The following PRMT8 variants were observed in gnomAD, a reference collection of about 807,000 sequenced individuals.
PRMT8 encodes the protein protein arginine methyltransferase 8.
PRMT8 carries 7 observed loss-of-function variants against 47.1 expected under a neutral mutation model. The ratio of observed to expected loss-of-function variants is 0.15; its 90% CI spans 0.08 to 0.28. PRMT8 has a LOEUF of 0.28. Among genes scored for constraint, PRMT8 ranks in the 10% least tolerant of loss-of-function variants. The pLI, the probability that PRMT8 is intolerant of heterozygous loss-of-function variation, is 1.00. For missense variants in PRMT8, 237 were observed against 505.4 expected (o/e 0.47, Z 5.09); for synonymous variants, 188 against 186.5 (o/e 1.01, Z -0.07).
intron 1 of PRMT8, among the ~76,000 whole-genome samples, chr12:3,424,571 A>C (rs1376328035): frequency 2.0e-5 from 3 of 152,212 alleles, no homozygotes; most frequent in Middle Eastern, 3.4e-3. Context: ...CTTCTGTTCT[A>C]GCTAATACTT....
At chr12:3,567,651 G>A (rs907526180) in intron 4 of PRMT8, among the ~76,000 whole-genome samples, 2 of 152,110 alleles carry the variant, frequency 1.3e-5, no homozygotes, top group South Asian at 2.1e-4. Context: ...AGTTGACCCC[G>A]ACTACCACAG....
chr12:3,510,360 G>A (rs1028972597), intron 1 of PRMT8, among the ~76,000 whole-genome samples: 2 of 152,134 alleles, frequency 1.3e-5, no homozygotes, highest in African/African-American at 4.8e-5. Context: ...TAGGATGACT[G>A]CAGTAAACAA....
At position 3,514,068 on chromosome 12, in the gene PRMT8, T is replaced by A. The variant is rs1436359687; in HGVS notation, c.75+22368T>A. ...GCAGGGGCAGGATTTATTGTGATTG[T>A]CCTTTGGAGAGGGAAGCTCCAAGGA... On this transcript the variant is annotated intron_variant, in intron 1 of 9. Transcript: ENST00000382622. The surrounding 1 kb of genome is among the most constrained non-coding windows in gnomAD (Gnocchi z 5.9). Among the ~76,000 whole-genome samples, 1 of 152,192 alleles carries A rather than the reference T, an allele frequency of 6.6e-6. No individual in the cohort carries two copies.
chr12:3,549,272 T>A (rs551853198), intron 2 of PRMT8, among the ~76,000 whole-genome samples: 2 of 152,282 alleles, frequency 1.3e-5, no homozygotes, highest in African/African-American at 4.8e-5. Context: ...GCATGCAAAT[T>A]ATACCTTAAT....
At chr12:3,392,250 G>A (rs1466365522) in intron 1 of PRMT8, among the ~76,000 whole-genome samples, 1 of 151,592 alleles carries the variant, frequency 6.6e-6, no homozygotes, top group Non-Finnish European at 1.5e-5. Flanking sequence ...TAGGGTATAT[G>A]TGCACAATGT....
intron 1 of PRMT8, among the ~76,000 whole-genome samples, chr12:3,421,845 C>T (rs558754835): frequency 2.6e-5 from 4 of 152,336 alleles, no homozygotes; most frequent in East Asian, 1.9e-4. Flanking sequence ...CCATGAGCAA[C>T]GGGATGGAGG....
chr12:3,566,892 A>G lies in PRMT8; in HGVS notation c.482-1814A>G, dbSNP rs111428055. On this transcript the variant is annotated intron_variant, in intron 4 of 9. Transcript: ENST00000382622. The surrounding 1 kb of genome is among the most constrained non-coding windows in gnomAD (Gnocchi z 4.7). Reference sequence around the variant, plus strand: ...ATGTTCAGAAAGAACAAACCAACCAATACATCAGCCTGCCAATTTAACAGT... The same window carrying G: ...ATGTTCAGAAAGAACAAACCAACCAGTACATCAGCCTGCCAATTTAACAGT... Among the ~76,000 whole-genome samples the G allele has an allele frequency of 3.3e-4, 51 of 152,346 alleles. No individual in the cohort carries two copies. The highest frequency in any genetic ancestry group is 1.2e-3 in the African/African-American group (50 of 41,588).
intron 1 of PRMT8, among the ~76,000 whole-genome samples, chr12:3,498,303 G>A (rs934805187): frequency 4.6e-5 from 7 of 152,178 alleles, no homozygotes; most frequent in African/African-American, 1.2e-4. Context: ...TTTCTAGTCC[G>A]CTAGGCTGCG....
intron 2 of PRMT8, among the ~76,000 whole-genome samples, chr12:3,544,635 C>T (rs1301285414): frequency 6.6e-6 from 1 of 152,160 alleles, no homozygotes; most frequent in Non-Finnish European, 1.5e-5. Context: ...GGCAGTGTGG[C>T]TCGCTGCCTG....
Position 3,550,171 on chromosome 12 carries a change from AG to A in PRMT8, c.417+81del. The A allele has an allele frequency of 6.4e-7, 1 of 1,564,836 alleles. No individual in the cohort carries two copies. Among genetic ancestry groups the A allele is most frequent in the South Asian group, 1.2e-5 (1 of 86,064 alleles). ...CTCTGCCTCCACCCGCCCTTCTAGA[AG>A]TACAAAATTTGGTCCATCTCTTTTG... On this transcript the variant is annotated intron_variant, in intron 3 of 9. Transcript: ENST00000382622. The surrounding 1 kb of genome is among the most constrained non-coding windows in gnomAD (Gnocchi z 5.1).
rs181233433 is a variant in PRMT8, at chr12:3,549,536, A to G, written c.262-400A>G. Among the ~76,000 whole-genome samples, 74 of 151,992 alleles carry G rather than the reference A, an allele frequency of 4.9e-4. 1 individual carries two copies. Among genetic ancestry groups the G allele is most frequent in the African/African-American group, 1.7e-3 (72 of 41,456 alleles). ...AAAAAAAAGGCAAACAAAACAAAATATACACTCACAAAAACCTCTTTGAAT... is the reference window on the plus strand; with the variant it reads ...AAAAAAAAGGCAAACAAAACAAAATGTACACTCACAAAAACCTCTTTGAAT... On this transcript the variant is annotated intron_variant, in intron 2 of 9. Coordinates refer to ENST00000382622, the MANE Select transcript of PRMT8 (RefSeq NM_019854.5).
intron 1 of PRMT8, among the ~76,000 whole-genome samples, chr12:3,476,262 C>G (rs116012999): frequency 0.01 from 1,586 of 152,242 alleles, 29 homozygotes; most frequent in African/African-American, 0.035. Context: ...GAAATCTGAG[C>G]GTTTGTAACC....
At chr12:3,414,387 A>G (rs898762768) in intron 1 of PRMT8, among the ~76,000 whole-genome samples, 3 of 152,184 alleles carry the variant, frequency 2.0e-5, no homozygotes, top group African/African-American at 7.2e-5. Context: ...GTTCATTTCA[A>G]TTCCGACACT....
At chr12:3,473,377 C>T (rs950248599) in intron 1 of PRMT8, among the ~76,000 whole-genome samples, 2 of 152,284 alleles carry the variant, frequency 1.3e-5, no homozygotes, top group African/African-American at 2.4e-5. Context: ...TCTCCTGTTT[C>T]GACTTCCCCA....
At chr12:3,439,839 G>A (rs1452415751) in intron 1 of PRMT8, among the ~76,000 whole-genome samples, 3 of 152,198 alleles carry the variant, frequency 2.0e-5, no homozygotes, top group East Asian at 3.8e-4. Flanking sequence ...GTGTGAAAGT[G>A]TTGTCTTAAT....
At chr12:3,496,421 A>G (rs942995341) in intron 1 of PRMT8, among the ~76,000 whole-genome samples, 15 of 151,162 alleles carry the variant, frequency 9.9e-5, no homozygotes, top group Non-Finnish European at 1.9e-4. Flanking sequence ...AGTTACTTTC[A>G]GCTGAAGAAT....
chr12:3,457,439 A>G (rs971351576), intron 1 of PRMT8, among the ~76,000 whole-genome samples: 1 of 151,884 alleles, frequency 6.6e-6, no homozygotes, highest in Non-Finnish European at 1.5e-5. Context: ...CTCCTGAGTA[A>G]CTGGGGCTAC....
intron 7 of PRMT8, among the ~76,000 whole-genome samples, chr12:3,578,255 T>TTC (rs1231176547): frequency 7.2e-5 from 11 of 152,132 alleles, no homozygotes; most frequent in Admixed American, 7.2e-4. Context: ...CAGGATCTCT[T>TTC]TCTCTCTCTG....
chr12:3,423,278 A>AT lies in PRMT8; in HGVS notation c.48+41839dup, dbSNP rs1474757494. Among the ~76,000 whole-genome samples the AT allele has an allele frequency of 4.6e-5, 7 of 152,320 alleles. No individual in the cohort carries two copies. In the East Asian group the frequency reaches 1.3e-3, roughly 29 times the overall value. Reference sequence around the variant, plus strand: ...TTCAGCTGCAAGTAGTTGAGAGCCAATTTATTTTGATAGATAGCATTTCTC... The same window carrying AT: ...TTCAGCTGCAAGTAGTTGAGAGCCAATTTTATTTTGATAGATAGCATTTCTC... On this transcript the variant is annotated intron_variant, in intron 1 of 9. Coordinates refer to the PRMT8 transcript ENST00000452611.
Sources: allele counts gnomAD v4.1 joint callset (sites outside exome capture counted in the v4.1 genomes callset), GRCh38; gene constraint gnomAD v4.1.1; non-coding constraint Gnocchi (gnomAD v3.1); transcripts MANE v1.5; gene names NCBI Gene and HGNC (gene_info 2026-07-23, HGNC 2026-07-21).